Variants in PRPS2 observed in about 807,000 individuals in gnomAD.
PRPS2 encodes phosphoribosyl pyrophosphate synthetase 2.
For synonymous variants in PRPS2, 111 were observed against 115.3 expected (o/e 0.96, Z 0.24); for missense variants, 104 against 271.5 (o/e 0.38, Z 4.34).
At chrX:12,809,100 C>G in intron 2 of PRPS2, 134 bp from the exon 3 acceptor site, 1 of 532,923 alleles carries the variant, frequency 1.9e-6, no homozygotes, top group East Asian at 3.5e-5. Flanking sequence ...CTTTTGCTGT[C>G]ACAACATGTA....
At chrX:12,791,671 C>CGGGGCCGGGTTG (rs2042519188) in intron 1 of PRPS2, 52 bp downstream of exon 1, 1 of 910,405 alleles carries the variant, frequency 1.1e-6, no homozygotes, top group South Asian at 5.2e-5. Context: ...CACGCGGCTG[C>CGGGGCCGGGTTG]GGGGCCGGGT....
At chrX:12,808,925 C>T (rs1254077178) in intron 2 of PRPS2, among the ~76,000 whole-genome samples, 1 of 112,188 alleles carries the variant, frequency 8.9e-6, no homozygotes, top group Admixed American at 9.5e-5. Context: ...TTTATTTCTA[C>T]ACACTTACCA....
intron 2 of PRPS2, among the ~76,000 whole-genome samples, chrX:12,806,562 T>G (rs1292147751): frequency 1.8e-5 from 2 of 112,543 alleles, no homozygotes; most frequent in African/African-American, 6.5e-5. Context: ...AAGATTCAGT[T>G]GGGTATGAGC....
chrX:12,819,959 T>C (rs2042667845), intron 5 of PRPS2, among the ~76,000 whole-genome samples: 1 of 112,255 alleles, frequency 8.9e-6, no homozygotes, highest in African/African-American at 3.2e-5. Flanking sequence ...AGATGGTTTT[T>C]CGGGCTTCTT....
At chrX:12,796,409 T>C (rs1448505084) in intron 1 of PRPS2, among the ~76,000 whole-genome samples, 2 of 109,515 alleles carry the variant, frequency 1.8e-5, no homozygotes, top group African/African-American at 6.6e-5. Context: ...TTAGTAGAGA[T>C]GGGGTTTCTC....
chrX:12,818,082 A>T (rs1477247819), intron 4 of PRPS2, among the ~76,000 whole-genome samples: 1 of 111,618 alleles, frequency 9.0e-6, no homozygotes, highest in East Asian at 2.8e-4. Context: ...TTGAAAAGAA[A>T]CACTGGCTGG....
intron 1 of PRPS2, among the ~76,000 whole-genome samples, chrX:12,796,314 G>A (rs2042543463): frequency 3.0e-5 from 3 of 101,157 alleles, no homozygotes; most frequent in Admixed American, 1.2e-4. Context: ...TCCGCCTCCC[G>A]GGTTCAAGTG....
chrX:12,806,215 A>G (rs1271277338), intron 2 of PRPS2, among the ~76,000 whole-genome samples: 1 of 111,959 alleles, frequency 8.9e-6, no homozygotes, highest in Non-Finnish European at 1.9e-5. Flanking sequence ...TCTGTTTTCA[A>G]TAAGATTTTC....
At chrX:12,807,378 G>C (rs1427806456) in intron 2 of PRPS2, among the ~76,000 whole-genome samples, 1 of 112,415 alleles carries the variant, frequency 8.9e-6, no homozygotes, top group East Asian at 2.8e-4. Flanking sequence ...CTGAATTTTG[G>C]AGGTGACCTT....
intron 6 of PRPS2, among the ~76,000 whole-genome samples, chrX:12,821,033 G>A (rs7062536): frequency 0.2 from 22,367 of 111,345 alleles, 2,175 homozygotes; most frequent in African/African-American, 0.37. Context: ...AAATCACAAT[G>A]GAAAAACAGT....
chrX:12,806,560 G>A, intron 2 of PRPS2, among the ~76,000 whole-genome samples: 1 of 112,560 alleles, frequency 8.9e-6, no homozygotes, highest in South Asian at 3.6e-4. Context: ...GCAAGATTCA[G>A]TTGGGTATGA....
chrX:12,793,815 G>A (rs754513245), intron 1 of PRPS2, among the ~76,000 whole-genome samples: 46 of 112,111 alleles, frequency 4.1e-4, no homozygotes, highest in Non-Finnish European at 7.7e-4. Flanking sequence ...CCCATTTTGC[G>A]TTTTTTATAT....
chrX:12,822,074 C>T (rs190998438), intron 6 of PRPS2, among the ~76,000 whole-genome samples: 6 of 112,398 alleles, frequency 5.3e-5, no homozygotes, highest in East Asian at 2.8e-4. Context: ...TATTTTCATG[C>T]CTGATTAGCA....
Position 12,791,530 on chromosome X carries a change from G to C in PRPS2, c.33G>C (p.Ser11=). ...ACATCGTGCTGTTCAGCGGCAGCTC[G>C]CATCAGGACCTGTCCCAGCGCGTGG... MPNIVLFSGS[S]HQDLSQRVAD... Residue 11 remains serine (S), a synonymous_variant, in exon 1 of 7, where the codon TCG becomes TCC. Coordinates refer to ENST00000380668, the MANE Select transcript of PRPS2 (RefSeq NM_002765.5). The C allele has an allele frequency of 8.3e-7, 1 of 1,205,165 alleles. No individual in the cohort carries two copies. The highest frequency in any genetic ancestry group is 1.8e-5 in the South Asian group (1 of 56,737).
At chrX:12,791,986 C>T (rs1277072958) in intron 1 of PRPS2, among the ~76,000 whole-genome samples, 2 of 113,202 alleles carry the variant, frequency 1.8e-5, no homozygotes, top group Non-Finnish European at 3.8e-5. Context: ...AGAGTGGGCG[C>T]AGCGGGCGGG....
chrX:12,817,121 T>C (rs1281684329), intron 4 of PRPS2, among the ~76,000 whole-genome samples: 2 of 109,548 alleles, frequency 1.8e-5, no homozygotes, highest in South Asian at 4.2e-4. Flanking sequence ...ACCCAACAAA[T>C]CATCAGGAAA....
chrX:12,821,742 C>A (rs779719797), intron 6 of PRPS2, among the ~76,000 whole-genome samples: 1 of 112,189 alleles, frequency 8.9e-6, no homozygotes, highest in African/African-American at 3.2e-5. Context: ...GGGGTGGGAG[C>A]AGCAGGCTGA....
Position 12,824,045 on chromosome X carries a change from T to A in PRPS2, c.*1249T>A, listed in dbSNP as rs745710949. ...CAAAGTTGTTTGTTTAGCCTCCAAC[T>A]TAAATTACATTAGTCAACTTATAGA... On this transcript the variant is annotated 3_prime_UTR_variant, in exon 7 of 7. Coordinates refer to ENST00000380668, the MANE Select transcript of PRPS2 (RefSeq NM_002765.5). 1 of 112,227 alleles carries A rather than the reference T, an allele frequency of 8.9e-6. No individual in the cohort carries two copies. The highest frequency in any genetic ancestry group is 2.8e-4 in the East Asian group (1 of 3,603). The allele number at this position is 112,227 out of a possible 1,213,427, so 9.2% of individuals were successfully genotyped here.
rs1319107668 is a variant in PRPS2 at position 12,809,923 on chromosome X, A to G, written c.406-99A>G. ...TATAAAAGCTTCTTTTGAACAAAAA[A>G]TGCAAATGTTATTTAATGAAAGCGA... On this transcript the variant is annotated intron_variant, in intron 3 of 6. Coordinates refer to ENST00000380668, the MANE Select transcript of PRPS2 (RefSeq NM_002765.5). 8 of 1,045,640 alleles carry G rather than the reference A, an allele frequency of 7.7e-6. No individual in the cohort carries two copies. The African/African-American group carries it at 1.5e-4, about 20-fold the overall frequency. The allele number at this position is 1,045,640 out of a possible 1,213,427, so 86.2% of individuals were successfully genotyped here. A position where few individuals can be genotyped will look rare whatever the true frequency, so the allele number is the denominator to read the frequency against.
Sources: allele counts gnomAD v4.1 joint callset (sites outside exome capture counted in the v4.1 genomes callset), GRCh38; gene constraint gnomAD v4.1.1; transcripts MANE v1.5; gene names NCBI Gene and HGNC (gene_info 2026-07-23, HGNC 2026-07-21).